FBXO21: variants seen among roughly 807,000 people sequenced by gnomAD.
FBXO21 encodes the protein F-box only protein 21.
In FBXO21, 32 loss-of-function variants were observed where a neutral mutation model predicts 76.6. That is an observed-to-expected ratio of 0.42 (90% CI 0.32 to 0.56). The LOEUF (loss-of-function observed/expected upper bound fraction) is 0.56. Ranked by LOEUF, FBXO21 falls within the 20% of genes least tolerant of loss-of-function variation. The pLI is 0.16. For missense variants in FBXO21, 586 were observed against 797.3 expected (o/e 0.73, Z 3.19); for synonymous variants, 328 against 311.5 (o/e 1.05, Z -0.56).
chr12:117,167,001 C>G lies in FBXO21; in HGVS notation c.1090G>C (p.Glu364Gln), dbSNP rs1423985422. ...GTCACGTGCTGGCCGATCAAGTACT[C>G]GCATTCTTTCACTGTCAGCTGCTTG... ...KGKQLTVKEC[E>Q]YLIGQHVTAA... The change falls in exon 8 of 12, where the codon GAG (glutamate) becomes CAG (glutamine). Residue 364 changes from glutamate (E) to glutamine (Q), a missense_variant. By Grantham distance (29) the Glu-to-Gln change is conservative. This residue lies in a region of FBXO21 where 246 missense variants were observed against 356.8 expected (regional missense o/e 0.69). Coordinates refer to ENST00000622495, the MANE Select transcript of FBXO21 (RefSeq NM_015002.3). 1 of 1,613,934 alleles carries G rather than the reference C, an allele frequency of 6.2e-7. No homozygotes were observed. Among genetic ancestry groups the G allele is most frequent in the East Asian group, 2.2e-5 (1 of 44,888 alleles).
chr12:117,182,520 C>CACACCTGTA (rs1956244223), intron 3 of FBXO21, among the ~76,000 whole-genome samples: 1 of 145,996 alleles, frequency 6.8e-6, no homozygotes, highest in Admixed American at 6.9e-5. Flanking sequence ...CGTGGTGGCT[C>CACACCTGTA]ACACCTGTAA....
chr12:117,181,611 A>AG (rs10687028), intron 3 of FBXO21, among the ~76,000 whole-genome samples: 2,421 of 150,188 alleles, frequency 0.016, 69 homozygotes, highest in East Asian at 0.12. Flanking sequence ...CTATCTATCT[A>AG]TCTATCTATC....
chr12:117,160,825 G>A (rs879694443), intron 9 of FBXO21, among the ~76,000 whole-genome samples: 9 of 152,122 alleles, frequency 5.9e-5, no homozygotes, highest in Non-Finnish European at 1.2e-4. Flanking sequence ...GTAGAGACCG[G>A]GTTTTGTCAT....
chr12:117,163,967 C>CAAAT (rs1160407413), intron 9 of FBXO21, among the ~76,000 whole-genome samples: 3 of 151,340 alleles, frequency 2.0e-5, no homozygotes, highest in African/African-American at 7.3e-5. Context: ...AAAAAAACCC[C>CAAAT]AAATAAATAA....
chr12:117,169,858 T>C (rs1956099579), intron 7 of FBXO21, among the ~76,000 whole-genome samples: 1 of 152,132 alleles, frequency 6.6e-6, no homozygotes, highest in African/African-American at 2.4e-5. Context: ...CAAGAGTCCC[T>C]GCTATCTTTG....
intron 3 of FBXO21, among the ~76,000 whole-genome samples, chr12:117,183,720 T>G (rs1216232191): frequency 1.3e-5 from 2 of 152,256 alleles, no homozygotes; most frequent in Non-Finnish European, 2.9e-5. Flanking sequence ...TAGAAGTGTC[T>G]GCTCTTTCAC....
chr12:117,189,263 A>T lies in FBXO21; in HGVS notation c.339T>A (p.Ile113=), dbSNP rs776401609. ...AGAACCTCTTTGAGAACGAGGCTAC[A>T]ATCTTCCGCGCTTCTAACCCAGCTT... ...RQKAGLEARK[I]VASFSKRFFS... The change falls in exon 2 of 12, where the codon ATT becomes ATA. Residue 113 remains isoleucine (I), a synonymous_variant. Transcript: ENST00000622495. 8.1e-6 allele frequency: 13 copies of T among 1,614,190 alleles called. No individual in the cohort carries two copies. The highest frequency in any genetic ancestry group is 1.1e-5 in the Non-Finnish European group (13 of 1,180,036).
intron 3 of FBXO21, among the ~76,000 whole-genome samples, chr12:117,183,722 C>T (rs1009573482): frequency 3.3e-5 from 5 of 152,328 alleles, no homozygotes; most frequent in African/African-American, 1.2e-4. Flanking sequence ...GAAGTGTCTG[C>T]TCTTTCACTG....
chr12:117,177,749 G>T (rs1346426428), intron 3 of FBXO21, 108 bp from the exon 4 acceptor site: 1 of 809,584 alleles, frequency 1.2e-6, no homozygotes, highest in Non-Finnish European at 1.9e-6. Context: ...AAATATAATT[G>T]GTTCATTCTC....
At chr12:117,173,030 G>A (rs1046608795) in intron 6 of FBXO21, among the ~76,000 whole-genome samples, 4 of 148,900 alleles carry the variant, frequency 2.7e-5, no homozygotes, top group South Asian at 2.2e-4. Flanking sequence ...CCTCAATGCT[G>A]AAATAATTTT....
intron 11 of FBXO21, chr12:117,155,059 TC>T (rs1955894786): frequency 6.6e-6 from 1 of 152,250 alleles, no homozygotes; most frequent in Admixed American, 6.5e-5. Flanking sequence ...ACATTAGCAT[TC>T]ACATTCATTT....
At chr12:117,169,350 A>C (rs7298126) in intron 7 of FBXO21, among the ~76,000 whole-genome samples, 9,679 of 152,198 alleles carry the variant, frequency 0.064, 1,029 homozygotes, top group African/African-American at 0.22. Context: ...GATAAGGAAA[A>C]ATAACTATGG....
chr12:117,167,280 C>A (rs117978958), intron 7 of FBXO21, among the ~76,000 whole-genome samples: 178 of 152,274 alleles, frequency 1.2e-3, no homozygotes, highest in Non-Finnish European at 2.0e-3. Context: ...GAAACAGCAC[C>A]AATGTATGTC....
At chr12:117,176,672 G>A (rs1387686342) in intron 4 of FBXO21, among the ~76,000 whole-genome samples, 2 of 152,142 alleles carry the variant, frequency 1.3e-5, no homozygotes, top group Non-Finnish European at 2.9e-5. Context: ...GCCATAGACT[G>A]CATGAGACTA....
intron 7 of FBXO21, among the ~76,000 whole-genome samples, chr12:117,168,365 A>C (rs1419687278): frequency 6.6e-6 from 1 of 152,006 alleles, no homozygotes; most frequent in Non-Finnish European, 1.5e-5. Context: ...CTTTACTAAA[A>C]ATACAAAAAT....
At chr12:117,182,416 G>A (rs1466009153) in intron 3 of FBXO21, among the ~76,000 whole-genome samples, 2 of 152,004 alleles carry the variant, frequency 1.3e-5, no homozygotes, top group Admixed American at 6.6e-5. Flanking sequence ...CCTGAACACA[G>A]GATTCAAGGT....
intron 11 of FBXO21, among the ~76,000 whole-genome samples, chr12:117,149,445 G>T (rs943659638): frequency 6.6e-6 from 1 of 152,182 alleles, no homozygotes; most frequent in Admixed American, 6.5e-5. Flanking sequence ...GAAGTACACA[G>T]AATTCAAGCA....
intron 2 of FBXO21, among the ~76,000 whole-genome samples, chr12:117,188,464 G>A (rs911151971): frequency 1.3e-5 from 2 of 152,064 alleles, no homozygotes; most frequent in Admixed American, 1.3e-4. Flanking sequence ...AGAATTGCTC[G>A]AGCCCAGGAG....
chr12:117,150,876 T>G (rs1404769188), intron 11 of FBXO21, among the ~76,000 whole-genome samples: 1 of 148,928 alleles, frequency 6.7e-6, no homozygotes, highest in East Asian at 2.0e-4. Context: ...ATGGACTGTG[T>G]GTGTGTGTGT....
Sources: gnomAD v4.1 joint callset for allele counts (sites outside exome capture counted in the v4.1 genomes callset) on GRCh38, gnomAD v4.1.1 for gene constraint, gnomAD v4.1.1 regional missense constraint, MANE v1.5 for transcripts, NCBI Gene and HGNC (gene_info 2026-07-23, HGNC 2026-07-21) for gene names.